EYA4: variants seen among roughly 807,000 people sequenced by gnomAD.
The protein encoded by EYA4 is EYA transcriptional coactivator and phosphatase 4, also known as protein phosphatase EYA4.
Under a neutral mutation model 87.9 loss-of-function variants are expected in EYA4, and 31 were observed. That is an observed-to-expected ratio of 0.35 (90% CI 0.27 to 0.48). The LOEUF is 0.48. EYA4 is among the 20% of genes least tolerant of loss of function. The pLI is 0.99. For missense variants in EYA4, 678 were observed against 761.4 expected (o/e 0.89, Z 1.29); for synonymous variants, 263 against 270.6 (o/e 0.97, Z 0.28).
chr6:133,486,560 A>T (rs949289374), intron 13 of EYA4, among the ~76,000 whole-genome samples: 2 of 107,584 alleles, frequency 1.9e-5, no homozygotes, highest in East Asian at 5.8e-4. Flanking sequence ...AAAACAAAAC[A>T]AAAAAAAACA....
intron 2 of EYA4, among the ~76,000 whole-genome samples, chr6:133,299,227 GT>G (rs1410743591): frequency 6.6e-6 from 1 of 152,174 alleles, no homozygotes. Flanking sequence ...GCAATAATGT[GT>G]GCAATTTGAC....
At chr6:133,371,185 A>G (rs917097183) in intron 2 of EYA4, among the ~76,000 whole-genome samples, 1 of 152,210 alleles carries the variant, frequency 6.6e-6, no homozygotes, top group African/African-American at 2.4e-5. Context: ...TTGTGAGAAC[A>G]ACACAATTCA....
chr6:133,291,936 A>ATTT (rs35217235), intron 2 of EYA4, among the ~76,000 whole-genome samples: 34 of 151,178 alleles, frequency 2.2e-4, no homozygotes, highest in African/African-American at 8.0e-4. Flanking sequence ...AGCTAGACTG[A>ATTT]TTTTTTTTTC....
intron 3 of EYA4, chr6:133,435,140 T>G (rs144116035): frequency 2.0e-4 from 30 of 152,342 alleles, no homozygotes; most frequent in Admixed American, 7.8e-4. Flanking sequence ...TGTTTTAAAT[T>G]TGTTAGAGTC....
rs1170569710 is a variant in EYA4 at position 133,241,717 on chromosome 6, A to G, written c.-98A>G. ...GCACTGAACCGCGGCTGGGACAGACACTTCGGGAACCCGAGGCGGACCGGG... is the reference window on the plus strand; with the variant it reads ...GCACTGAACCGCGGCTGGGACAGACGCTTCGGGAACCCGAGGCGGACCGGG... On this transcript the variant is annotated 5_prime_UTR_variant, in exon 1 of 20. Transcript: ENST00000355286. The G allele has an allele frequency of 1.3e-5, 2 of 152,332 alleles. No individual in the cohort carries two copies. The highest frequency in any genetic ancestry group is 2.9e-5 in the Non-Finnish European group (2 of 68,188). The allele number at this position is 152,332 out of a possible 1,614,324, so 9.4% of individuals were successfully genotyped here.
At chr6:133,424,520 A>C (rs1368016454) in intron 3 of EYA4, among the ~76,000 whole-genome samples, 1 of 146,116 alleles carries the variant, frequency 6.8e-6, no homozygotes, top group Non-Finnish European at 1.5e-5. Flanking sequence ...CCCCCCCCCC[A>C]GCCTATAAGG....
At chr6:133,502,722 C>G (rs1282454773) in intron 13 of EYA4, 2 of 152,186 alleles carry the variant, frequency 1.3e-5, no homozygotes, top group Non-Finnish European at 2.9e-5. Context: ...TGAAAGTAAG[C>G]CTGCCCCAGA....
At chr6:133,467,961 A>G (rs932936310) in intron 10 of EYA4, among the ~76,000 whole-genome samples, 2 of 152,060 alleles carry the variant, frequency 1.3e-5, no homozygotes, top group East Asian at 3.9e-4. Context: ...ATCATTGAAA[A>G]GTTCACTAAA....
intron 2 of EYA4, among the ~76,000 whole-genome samples, chr6:133,362,700 A>G (rs1784542955): frequency 6.6e-6 from 1 of 152,226 alleles, no homozygotes; most frequent in African/African-American, 2.4e-5. Flanking sequence ...GCTGCCAAAT[A>G]TAGAGCATTG....
chr6:133,343,610 A>G (rs1281225591), intron 2 of EYA4, among the ~76,000 whole-genome samples: 2 of 113,212 alleles, frequency 1.8e-5, no homozygotes, highest in Non-Finnish European at 3.5e-5. Context: ...CTCCATACAC[A>G]CTCTGGTAGA....
intron 11 of EYA4, among the ~76,000 whole-genome samples, chr6:133,474,875 A>G (rs1480285022): frequency 6.6e-6 from 1 of 152,172 alleles, no homozygotes. Context: ...AGTTTTTCAT[A>G]GAACAGTCAC....
rs1344647413 is a variant in EYA4, at chr6:133,523,117, C to T, written c.1678C>T (p.Leu560=). The change falls in exon 18 of 20, where the codon CTA becomes TTA. Residue 560 remains leucine, a synonymous_variant. Transcript: ENST00000355286. Reference sequence around the variant, plus strand: ...ACTGATCCCAGCACTTGCGAAGGTTCTACTCTATAGTTTAGGAGGTGCTTT... The same window carrying T: ...ACTGATCCCAGCACTTGCGAAGGTTTTACTCTATAGTTTAGGAGGTGCTTT... ...TQLIPALAKV[L]LYSLGGAFPI... is the part of the protein sequence containing the mutation. 2 of 1,611,990 alleles carry T rather than the reference C, an allele frequency of 1.2e-6. No individual in the cohort carries two copies.
chr6:133,390,579 T>C (rs1258077123), intron 3 of EYA4, among the ~76,000 whole-genome samples: 2 of 152,210 alleles, frequency 1.3e-5, no homozygotes, highest in Non-Finnish European at 2.9e-5. Context: ...GTATTCTACC[T>C]ATCGTTCCAA....
chr6:133,526,895 A>G (rs1800683879), intron 19 of EYA4, among the ~76,000 whole-genome samples: 1 of 152,220 alleles, frequency 6.6e-6, no homozygotes, highest in Non-Finnish European at 1.5e-5. Flanking sequence ...TATGCAAATT[A>G]AATTCACGTA....
At chr6:133,523,007 A>C in intron 17 of EYA4, 49 bp from the exon 18 acceptor site, 2 of 1,492,350 alleles carry the variant, frequency 1.3e-6, no homozygotes, top group South Asian at 2.3e-5. Context: ...ATCTATTAGA[A>C]GTTATTTAGT....
intron 2 of EYA4, among the ~76,000 whole-genome samples, chr6:133,340,922 G>T (rs948538988): frequency 2.6e-5 from 4 of 152,124 alleles, no homozygotes; most frequent in Non-Finnish European, 4.4e-5. Flanking sequence ...AGAAGGGGTG[G>T]GAAGGAGCAG....
At chr6:133,241,092 G>A, upstream of EYA4, among the ~76,000 whole-genome samples, 1 of 151,532 alleles carries the variant, frequency 6.6e-6, no homozygotes, top group Non-Finnish European at 1.5e-5. Flanking sequence ...GGCGCCACCC[G>A]GGACATCCAG....
intron 13 of EYA4, among the ~76,000 whole-genome samples, chr6:133,504,562 C>T (rs759688926): frequency 6.6e-6 from 1 of 152,160 alleles, no homozygotes; most frequent in Non-Finnish European, 1.5e-5. Flanking sequence ...CCCAGTGACC[C>T]CTTAGCACTC....
chr6:133,345,187 G>T (rs1208483065), intron 2 of EYA4, among the ~76,000 whole-genome samples: 1 of 152,050 alleles, frequency 6.6e-6, no homozygotes, highest in East Asian at 1.9e-4. Flanking sequence ...AAAAAATACT[G>T]TGTAAAACTA....
Sources: gnomAD v4.1 joint callset for allele counts (sites outside exome capture counted in the v4.1 genomes callset) on GRCh38, gnomAD v4.1.1 for gene constraint, MANE v1.5 for transcripts, NCBI Gene and HGNC (gene_info 2026-07-23, HGNC 2026-07-21) for gene names.